NRXN1: variants seen among roughly 807,000 people sequenced by gnomAD.
The protein encoded by NRXN1 is neurexin-1.
A neutral mutation model predicts 150.9 loss-of-function variants in NRXN1; 39 were observed. That is an observed-to-expected ratio of 0.26 (90% CI 0.20 to 0.34). The LOEUF (loss-of-function observed/expected upper bound fraction) is 0.34. Ranked by LOEUF, NRXN1 falls within the 10% of genes least tolerant of loss-of-function variation. The pLI is 1.00. For synonymous variants in NRXN1, 924 were observed against 757.0 expected, an observed-to-expected ratio of 1.22 and a Z score of -3.62; for missense variants, 1,815 against 1,949.9, an observed-to-expected ratio of 0.93 and a Z score of 1.30.
intron 15 of NRXN1, among the ~76,000 whole-genome samples, chr2:50,478,342 A>C (rs1333727572): frequency 6.6e-6 from 1 of 152,220 alleles, no homozygotes; most frequent in Admixed American, 6.5e-5. Context: ...ATAAACTTCT[A>C]TAAGAAACCA....
At chr2:50,461,388 A>G (rs1024032940) in intron 17 of NRXN1, among the ~76,000 whole-genome samples, 1 of 152,012 alleles carries the variant, frequency 6.6e-6, no homozygotes, top group Non-Finnish European at 1.5e-5. Flanking sequence ...GTAATTTGGC[A>G]TACAACATTT....
intron 5 of NRXN1, among the ~76,000 whole-genome samples, chr2:50,689,820 G>C (rs982109185): frequency 6.6e-6 from 1 of 151,716 alleles, no homozygotes; most frequent in Admixed American, 6.6e-5. Context: ...AAGCCCATTT[G>C]AGGCTTCCCA....
At chr2:50,553,925 T>C (rs1667868581) in intron 8 of NRXN1, among the ~76,000 whole-genome samples, 1 of 152,146 alleles carries the variant, frequency 6.6e-6, no homozygotes, top group South Asian at 2.1e-4. Context: ...GCTAATAAAT[T>C]CAAAGGTATT....
chr2:50,557,017 G>C (rs1261794351), intron 8 of NRXN1, among the ~76,000 whole-genome samples: 2 of 152,054 alleles, frequency 1.3e-5, no homozygotes, highest in East Asian at 3.9e-4. Flanking sequence ...TTGATGCCAG[G>C]ATATTGTTCT....
chr2:50,061,979 G>A (rs143927445), intron 19 of NRXN1, among the ~76,000 whole-genome samples: 1 of 152,050 alleles, frequency 6.6e-6, no homozygotes, highest in East Asian at 1.9e-4. Context: ...CTGTAGTAAT[G>A]CCATTGCAAC....
chr2:50,807,983 G>A (rs959563830), intron 5 of NRXN1, among the ~76,000 whole-genome samples: 1 of 151,940 alleles, frequency 6.6e-6, no homozygotes, highest in Non-Finnish European at 1.5e-5. Context: ...TCCCAATAAA[G>A]TCCACATCTC....
chr2:50,030,028 T>C (rs957915791), intron 21 of NRXN1, among the ~76,000 whole-genome samples: 6 of 152,148 alleles, frequency 3.9e-5, no homozygotes, highest in African/African-American at 1.4e-4. Flanking sequence ...GCATTTAAAA[T>C]GTCTGGGTAA....
intron 15 of NRXN1, among the ~76,000 whole-genome samples, chr2:50,492,960 A>G (rs2091344424): frequency 6.6e-6 from 1 of 152,178 alleles, no homozygotes; most frequent in African/African-American, 2.4e-5. Flanking sequence ...TCAAATGATT[A>G]CTGCCTTGGT....
At chr2:50,204,341 CGTGTGT>C (rs70946895) in intron 18 of NRXN1, among the ~76,000 whole-genome samples, 55 of 111,412 alleles carry the variant, frequency 4.9e-4, no homozygotes, top group African/African-American at 4.4e-4. Context: ...TAAGAAATAC[CGTGTGT>C]GTGTGTGTGT....
intron 13 of NRXN1, among the ~76,000 whole-genome samples, chr2:50,502,262 C>A (rs763543871): frequency 6.6e-6 from 1 of 152,032 alleles, no homozygotes; most frequent in East Asian, 1.9e-4. Context: ...AAAAAATAAA[C>A]AATTTACCCA....
chr2:50,992,738 C>T (rs946321404), intron 2 of NRXN1, among the ~76,000 whole-genome samples: 10 of 151,956 alleles, frequency 6.6e-5, no homozygotes, highest in Non-Finnish European at 1.0e-4. Context: ...TTCTTACTGT[C>T]ACTCTTTTTT....
intron 15 of NRXN1, among the ~76,000 whole-genome samples, chr2:50,478,107 C>G (rs918136768): frequency 1.3e-5 from 2 of 152,230 alleles, no homozygotes; most frequent in Non-Finnish European, 2.9e-5. Context: ...TATCTAGATA[C>G]ACTGAGAGAG....
chr2:50,330,606 T>C (rs1006764914), intron 17 of NRXN1, among the ~76,000 whole-genome samples: 1 of 152,168 alleles, frequency 6.6e-6, no homozygotes. Flanking sequence ...CAAGGAACCA[T>C]TTTAAACTGT....
At chr2:50,123,166 C>A (rs1304248042) in intron 18 of NRXN1, among the ~76,000 whole-genome samples, 1 of 152,146 alleles carries the variant, frequency 6.6e-6, no homozygotes, top group East Asian at 1.9e-4. Context: ...CCTCCTGTAG[C>A]TTTAATTCTA....
intron 13 of NRXN1, among the ~76,000 whole-genome samples, chr2:50,501,753 A>G (rs190770097): frequency 6.6e-6 from 1 of 152,228 alleles, no homozygotes; most frequent in Admixed American, 6.5e-5. Flanking sequence ...CTTGTCATCT[A>G]TGACCTAGGA....
intron 18 of NRXN1, among the ~76,000 whole-genome samples, chr2:50,172,524 C>G (rs1444214440): frequency 6.6e-6 from 1 of 152,082 alleles, no homozygotes; most frequent in Non-Finnish European, 1.5e-5. Context: ...TGTACCACCA[C>G]CCCACAACTC....
At chr2:50,997,838 C>G (rs7592201) in intron 2 of NRXN1, among the ~76,000 whole-genome samples, 3,496 of 141,736 alleles carry the variant, frequency 0.025, 956 homozygotes, top group African/African-American at 0.1. Flanking sequence ...TAATTTGGAA[C>G]AATTGGAGCA....
intron 5 of NRXN1, among the ~76,000 whole-genome samples, chr2:50,793,468 T>A (rs1197964881): frequency 6.6e-6 from 1 of 152,108 alleles, no homozygotes; most frequent in East Asian, 1.9e-4. Context: ...TAACCTTCAC[T>A]AAAGGGTTAA....
chr2:50,704,935 C>T (rs1011481220), intron 5 of NRXN1, among the ~76,000 whole-genome samples: 1 of 151,866 alleles, frequency 6.6e-6, no homozygotes, highest in Admixed American at 6.6e-5. Flanking sequence ...TTATTATTGT[C>T]ATTTTACTGA....
Sources: gnomAD v4.1 joint callset for allele counts (sites outside exome capture counted in the v4.1 genomes callset) on GRCh38, gnomAD v4.1.1 for gene constraint, MANE v1.5 for transcripts, NCBI Gene and HGNC (gene_info 2026-07-23, HGNC 2026-07-21) for gene names.